The following GRM5 variants were observed in gnomAD, a reference collection of about 807,000 sequenced individuals.
GRM5 encodes the protein metabotropic glutamate receptor 5.
Under a neutral mutation model 83.1 loss-of-function variants are expected in GRM5, and 19 were observed. That is an observed-to-expected ratio of 0.23 (90% CI 0.16 to 0.34). The LOEUF (loss-of-function observed/expected upper bound fraction) is 0.34. GRM5 is among the 10% of genes least tolerant of loss of function. GRM5 has a pLI of 1.00. For missense variants in GRM5, 1,160 were observed against 1,588.3 expected (o/e 0.73, Z 4.58); for synonymous variants, 675 against 633.6 (o/e 1.07, Z -0.98).
At chr11:88,682,029 G>A (rs914545150) in intron 3 of GRM5, among the ~76,000 whole-genome samples, 5 of 152,162 alleles carry the variant, frequency 3.3e-5, no homozygotes, top group Admixed American at 2.6e-4. Flanking sequence ...ACCTAGGATA[G>A]CAAGATTACC....
intron 2 of GRM5, among the ~76,000 whole-genome samples, chr11:88,899,593 A>G (rs947240068): frequency 6.6e-6 from 1 of 152,000 alleles, no homozygotes; most frequent in Non-Finnish European, 1.5e-5. Flanking sequence ...TTACTTTATA[A>G]TAATAACCTA....
chr11:88,982,491 T>C (rs1939558425), intron 2 of GRM5, among the ~76,000 whole-genome samples: 1 of 152,128 alleles, frequency 6.6e-6, no homozygotes. Context: ...TTCTTTTAAT[T>C]TGTAATATAG....
intron 8 of GRM5, among the ~76,000 whole-genome samples, chr11:88,533,779 A>G (rs992305974): frequency 1.3e-5 from 2 of 152,212 alleles, no homozygotes; most frequent in South Asian, 2.1e-4. Flanking sequence ...ATGTCTCCAG[A>G]GCACGTCAGA....
chr11:88,726,158 T>G (rs1164274836), intron 3 of GRM5, among the ~76,000 whole-genome samples: 1 of 152,020 alleles, frequency 6.6e-6, no homozygotes, highest in Non-Finnish European at 1.5e-5. Context: ...TGAGAGGAAT[T>G]GCTGACTAGA....
intron 2 of GRM5, among the ~76,000 whole-genome samples, chr11:88,908,914 G>A (rs150063826): frequency 0.024 from 3,599 of 152,150 alleles, 61 homozygotes; most frequent in African/African-American, 0.051. Context: ...AAGGAAACCT[G>A]TTATTCTAGC....
chr11:88,902,950 C>CA (rs201996144), intron 2 of GRM5, among the ~76,000 whole-genome samples: 1,183 of 61,674 alleles, frequency 0.019, 193 homozygotes, highest in African/African-American at 0.047. Context: ...GACTCCATCT[C>CA]AAAAAAAAAA....
intron 3 of GRM5, among the ~76,000 whole-genome samples, chr11:88,655,265 G>A (rs1939737583): frequency 6.6e-6 from 1 of 152,034 alleles, no homozygotes; most frequent in Non-Finnish European, 1.5e-5. Flanking sequence ...TTGAAATGAA[G>A]TGGGCTTGTT....
chr11:88,878,729 C>A (rs555268816), intron 2 of GRM5, among the ~76,000 whole-genome samples: 10 of 152,222 alleles, frequency 6.6e-5, no homozygotes, highest in African/African-American at 1.9e-4. Context: ...TGTAGTTCAT[C>A]CATACAATGG....
intron 8 of GRM5, among the ~76,000 whole-genome samples, chr11:88,540,352 G>C (rs1461651653): frequency 6.6e-6 from 1 of 152,138 alleles, no homozygotes; most frequent in Non-Finnish European, 1.5e-5. Context: ...TTGCCAAGAA[G>C]CTTAGTTTCC....
chr11:88,511,559 G>A (rs1298887743), intron 9 of GRM5, among the ~76,000 whole-genome samples: 1 of 152,152 alleles, frequency 6.6e-6, no homozygotes, highest in Non-Finnish European at 1.5e-5. Context: ...CCTGGAATAT[G>A]AGCTTCTTCC....
At chr11:88,536,596 T>C (rs919031295) in intron 8 of GRM5, among the ~76,000 whole-genome samples, 1 of 152,178 alleles carries the variant, frequency 6.6e-6, no homozygotes. Flanking sequence ...GCACATTCAA[T>C]TCTGTTCCCA....
chr11:88,546,177 G>T (rs576526419), intron 8 of GRM5, among the ~76,000 whole-genome samples: 1 of 151,928 alleles, frequency 6.6e-6, no homozygotes, highest in South Asian at 2.1e-4. Context: ...TCATGACACT[G>T]TATCTAAACA....
chr11:88,845,897 G>T (rs1460986825), intron 3 of GRM5, among the ~76,000 whole-genome samples: 1 of 152,188 alleles, frequency 6.6e-6, no homozygotes, highest in African/African-American at 2.4e-5. Flanking sequence ...TACATGTAAA[G>T]ATAAAGAATA....
rs1161667553 is a variant in GRM5, at chr11:88,668,262, C to A, written c.912-14859G>T. 1.4e-5 allele frequency among the ~76,000 whole-genome samples: 2 copies of A among 140,860 alleles called. 1 individual carries two copies. The highest frequency in any genetic ancestry group is 3.1e-5 in the Non-Finnish European group (2 of 65,516). The allele number at this position is 140,860 out of a possible 152,430, so 92.4% of individuals were successfully genotyped here. ...CAGAATAATTTTATATCTCTTAAATCAGTGGAAGTTTATTTAAAACATCCC... is the reference window on the plus strand; with the variant it reads ...CAGAATAATTTTATATCTCTTAAATAAGTGGAAGTTTATTTAAAACATCCC... On this transcript the variant is annotated intron_variant, in intron 3 of 9. Coordinates refer to ENST00000305447, the MANE Select transcript of GRM5 (RefSeq NM_001143831.3).
At chr11:88,892,862 A>C (rs1945168971) in intron 2 of GRM5, among the ~76,000 whole-genome samples, 1 of 152,046 alleles carries the variant, frequency 6.6e-6, no homozygotes, top group Non-Finnish European at 1.5e-5. Flanking sequence ...CCAGGTAATG[A>C]AAGTGAGTAG....
At chr11:89,026,567 T>C (rs1414046827) in intron 2 of GRM5, among the ~76,000 whole-genome samples, 1 of 152,230 alleles carries the variant, frequency 6.6e-6, no homozygotes, top group African/African-American at 2.4e-5. Context: ...ATTTTCTCTG[T>C]ACCTTAGTTT....
At chr11:88,520,944 T>G (rs1015697674) in intron 9 of GRM5, among the ~76,000 whole-genome samples, 1 of 152,146 alleles carries the variant, frequency 6.6e-6, no homozygotes, top group Non-Finnish European at 1.5e-5. Context: ...AAAAGAGTAA[T>G]AATAATAATT....
chr11:88,875,751 T>G (rs933373809), intron 2 of GRM5, among the ~76,000 whole-genome samples: 1 of 152,094 alleles, frequency 6.6e-6, no homozygotes, highest in African/African-American at 2.4e-5. Context: ...CTCCTTATAA[T>G]TTTTCATCAG....
chr11:88,887,377 A>G (rs1565277861), intron 2 of GRM5, among the ~76,000 whole-genome samples: 1 of 152,196 alleles, frequency 6.6e-6, no homozygotes, highest in African/African-American at 2.4e-5. Flanking sequence ...TAGCCCCTCC[A>G]TTAAAGAGGG....
Sources: gnomAD v4.1 joint callset for allele counts (sites outside exome capture counted in the v4.1 genomes callset) on GRCh38, gnomAD v4.1.1 for gene constraint, MANE v1.5 for transcripts, NCBI Gene and HGNC (gene_info 2026-07-23, HGNC 2026-07-21) for gene names.